Variants in PEX14 observed in about 807,000 individuals in gnomAD.
PEX14 encodes peroxisomal biogenesis factor 14.
PEX14 carries 15 observed loss-of-function variants against 49.5 expected under a neutral mutation model. The observed-to-expected ratio is 0.30, with a 90% CI of 0.20 to 0.47. The LOEUF (loss-of-function observed/expected upper bound fraction) is 0.47, where lower values mean the gene tolerates loss of function less well. PEX14 is among the 20% of genes least tolerant of loss of function. PEX14 has a pLI of 1.00. For synonymous variants in PEX14, 210 were observed against 212.7 expected (o/e 0.99, Z 0.11); for missense variants, 398 against 494.8 (o/e 0.80, Z 1.86).
At chr1:10,587,396 A>G (rs1042969967) in intron 3 of PEX14, among the ~76,000 whole-genome samples, 5 of 152,314 alleles carry the variant, frequency 3.3e-5, no homozygotes, top group African/African-American at 9.6e-5. Flanking sequence ...CGGAGGTTAC[A>G]GTGAGCCGAG....
At chr1:10,598,083 G>C (rs1226275505) in intron 3 of PEX14, among the ~76,000 whole-genome samples, 1 of 152,232 alleles carries the variant, frequency 6.6e-6, no homozygotes, top group Admixed American at 6.5e-5. Context: ...CTCTAATGGA[G>C]AGCTGCCGAC....
intron 4 of PEX14, among the ~76,000 whole-genome samples, chr1:10,612,035 T>C (rs182941255): frequency 6.6e-6 from 1 of 152,210 alleles, no homozygotes; most frequent in Non-Finnish European, 1.5e-5. Flanking sequence ...TTCATGCTTC[T>C]TATATCTTAA....
At chr1:10,559,993 T>A (rs1639605735) in intron 3 of PEX14, among the ~76,000 whole-genome samples, 1 of 152,158 alleles carries the variant, frequency 6.6e-6, no homozygotes, top group Non-Finnish European at 1.5e-5. Context: ...GTAGTTCCCA[T>A]TGCTCCTAGG....
chr1:10,487,782 C>G (rs1040983024), intron 1 of PEX14, among the ~76,000 whole-genome samples: 3 of 151,430 alleles, frequency 2.0e-5, no homozygotes, highest in Non-Finnish European at 4.4e-5. Context: ...TGTGCCCGGC[C>G]TACTTTTTTT....
chr1:10,520,153 T>TTTTTTTTTTTTTTTTTTTTTTTTTG (rs754714815), intron 2 of PEX14, among the ~76,000 whole-genome samples: 3 of 91,912 alleles, frequency 3.3e-5, no homozygotes, highest in Non-Finnish European at 4.7e-5. Flanking sequence ...TTCTTCTTTT[T>TTTTTTTTTTTTTTTTTTTTTTTTTG]TTTTTTTTTG....
At chr1:10,481,576 G>C (rs1451055664) in intron 1 of PEX14, among the ~76,000 whole-genome samples, 1 of 151,690 alleles carries the variant, frequency 6.6e-6, no homozygotes, top group Non-Finnish European at 1.5e-5. Context: ...CGAGTAGCTG[G>C]GACTATAGTC....
chr1:10,575,245 A>G (rs574750491), intron 3 of PEX14, among the ~76,000 whole-genome samples: 20 of 152,188 alleles, frequency 1.3e-4, no homozygotes, highest in Non-Finnish European at 2.6e-4. Flanking sequence ...TATGCACTGA[A>G]AAACGTTCTA....
At chr1:10,480,387 CTTTTTT>C (rs34544712) in intron 1 of PEX14, among the ~76,000 whole-genome samples, 30,797 of 87,204 alleles carry the variant, frequency 0.35, 4,749 homozygotes, top group East Asian at 0.51. Context: ...GCCTGGCTAA[CTTTTTT>C]TTTTTTTTTT....
chr1:10,531,321 G>A (rs1638644194), intron 2 of PEX14, among the ~76,000 whole-genome samples: 1 of 152,202 alleles, frequency 6.6e-6, no homozygotes, highest in African/African-American at 2.4e-5. Flanking sequence ...TATTTGTCAA[G>A]GAACTCCTGA....
intron 3 of PEX14, among the ~76,000 whole-genome samples, chr1:10,549,339 G>C (rs552220612): frequency 2.6e-4 from 40 of 152,292 alleles, no homozygotes; most frequent in Non-Finnish European, 5.9e-5. Flanking sequence ...TAAGTCACAC[G>C]CGGAATTGTG....
At chr1:10,589,108 G>A (rs915403930) in intron 3 of PEX14, among the ~76,000 whole-genome samples, 22 of 152,248 alleles carry the variant, frequency 1.4e-4, no homozygotes, top group Admixed American at 2.6e-4. Flanking sequence ...AAAAATAATT[G>A]TTAAAAGTCC....
chr1:10,575,468 TAA>T, intron 3 of PEX14, among the ~76,000 whole-genome samples: 1 of 152,298 alleles, frequency 6.6e-6, no homozygotes, highest in East Asian at 1.9e-4. Context: ...GGTACATTTA[TAA>T]AAAGTTGTTA....
intron 2 of PEX14, among the ~76,000 whole-genome samples, chr1:10,517,431 G>C (rs1176357230): frequency 1.3e-5 from 2 of 152,064 alleles, no homozygotes; most frequent in Non-Finnish European, 2.9e-5. Context: ...GAAGAGAGAG[G>C]AGTCAGGCTC....
At chr1:10,505,395 A>G (rs776315994) in intron 2 of PEX14, among the ~76,000 whole-genome samples, 68 of 152,322 alleles carry the variant, frequency 4.5e-4, no homozygotes, top group Admixed American at 7.8e-4. Context: ...GCATCAACCC[A>G]GGAGATTGTG....
chr1:10,556,531 C>T (rs1419939420), intron 3 of PEX14, among the ~76,000 whole-genome samples: 3 of 152,018 alleles, frequency 2.0e-5, no homozygotes, highest in South Asian at 2.1e-4. Context: ...CAGAGGCAGT[C>T]GGTGTGCGCT....
chr1:10,558,927 T>G (rs763829938), intron 3 of PEX14, among the ~76,000 whole-genome samples: 16 of 152,180 alleles, frequency 1.1e-4, no homozygotes, highest in Non-Finnish European at 2.4e-4. Flanking sequence ...ACCTGTATTT[T>G]TAATTTATTC....
At chr1:10,571,617 T>A (rs917045732) in intron 3 of PEX14, among the ~76,000 whole-genome samples, 1 of 152,116 alleles carries the variant, frequency 6.6e-6, no homozygotes, top group African/African-American at 2.4e-5. Flanking sequence ...GAGACCAGCC[T>A]GGGCAACAGG....
At chr1:10,625,738 C>T (rs937245948) in intron 7 of PEX14, among the ~76,000 whole-genome samples, 2 of 152,230 alleles carry the variant, frequency 1.3e-5, no homozygotes, top group African/African-American at 4.8e-5. Context: ...TGCCTGTGGC[C>T]AGAAGCCATT....
chr1:10,536,648 G>A (rs1396914104), intron 3 of PEX14: 2 of 302,292 alleles, frequency 6.6e-6, no homozygotes, highest in East Asian at 1.4e-4. Flanking sequence ...GACTAGCTTA[G>A]GTTAGGAGTT....
Sources: gnomAD v4.1 joint callset for allele counts (sites outside exome capture counted in the v4.1 genomes callset) on GRCh38, gnomAD v4.1.1 for gene constraint, MANE v1.5 for transcripts, NCBI Gene and HGNC (gene_info 2026-07-23, HGNC 2026-07-21) for gene names.